Variants in KIF26B observed in about 807,000 individuals in gnomAD.
KIF26B encodes the protein kinesin family member 26B, also known as kinesin-like protein KIF26B.
Under a neutral mutation model 151.2 loss-of-function variants are expected in KIF26B, and 63 were observed. The observed-to-expected ratio is 0.42, with a 90% CI of 0.34 to 0.51. KIF26B has a LOEUF of 0.51. Ranked by LOEUF, KIF26B falls within the 20% of genes least tolerant of loss-of-function variation. KIF26B has a pLI of 0.07. For missense variants in KIF26B, 2,813 were observed against 2,913.6 expected (o/e 0.97, Z 0.79); for synonymous variants, 1,357 against 1,262.1 (o/e 1.08, Z -1.59).
intron 2 of KIF26B, among the ~76,000 whole-genome samples, chr1:245,176,354 G>A (rs974699679): frequency 6.6e-6 from 1 of 152,170 alleles, no homozygotes; most frequent in Non-Finnish European, 1.5e-5. Flanking sequence ...AGTAGTGTCA[G>A]ATCTATGAAG....
At chr1:245,156,210 C>T in intron 1 of KIF26B, 72 bp from the exon 2 acceptor site, 1 of 1,504,060 alleles carries the variant, frequency 6.6e-7, no homozygotes, top group Non-Finnish European at 8.8e-7. Context: ...TGGTGGCGCA[C>T]GTATGACCCA....
chr1:245,481,510 C>G (rs1324991772), intron 4 of KIF26B, among the ~76,000 whole-genome samples: 4 of 151,876 alleles, frequency 2.6e-5, no homozygotes, highest in Non-Finnish European at 5.9e-5. Flanking sequence ...CGATGTGTAT[C>G]CAGCATCACT....
intron 2 of KIF26B, among the ~76,000 whole-genome samples, chr1:245,188,013 C>T (rs4658444): frequency 0.87 from 131,863 of 152,048 alleles, 57,724 homozygotes; most frequent in Non-Finnish European, 0.94. Context: ...GGCGCGGTGG[C>T]TCATGCCTGT....
At chr1:245,297,889 T>G (rs889064780) in intron 2 of KIF26B, among the ~76,000 whole-genome samples, 1 of 151,256 alleles carries the variant, frequency 6.6e-6, no homozygotes, top group Non-Finnish European at 1.5e-5. Context: ...GTTTGTTTGT[T>G]TGTTTGTTTG....
rs967565594 is a variant in KIF26B at position 245,606,459 on chromosome 1, C to A, written c.1558-1192C>A. Among the ~76,000 whole-genome samples the A allele has an allele frequency of 6.6e-6, 1 of 151,464 alleles. No individual in the cohort carries two copies. Among genetic ancestry groups the A allele is most frequent in the Admixed American group, 6.5e-5 (1 of 15,276 alleles). On this transcript the variant is annotated intron_variant, in intron 6 of 14. Coordinates refer to ENST00000407071, the MANE Select transcript of KIF26B (RefSeq NM_018012.4). This position sits in a 1 kb window ranked among gnomAD's most constrained non-coding sequence, Gnocchi z 4.6. ...CAGAAATGAAAGCAACAGGGCACAG[C>A]GAATAATGCTATCTTTCTGCTTCTG...
chr1:245,568,096 G>A (rs2043027866), intron 5 of KIF26B, among the ~76,000 whole-genome samples: 1 of 150,786 alleles, frequency 6.6e-6, no homozygotes, highest in African/African-American at 2.5e-5. Context: ...TTGAACTTGG[G>A]AGGTTCAGTG....
chr1:245,408,741 T>G (rs1271290210), intron 3 of KIF26B, among the ~76,000 whole-genome samples: 1 of 152,198 alleles, frequency 6.6e-6, no homozygotes, highest in Non-Finnish European at 1.5e-5. Flanking sequence ...GTACATTCTC[T>G]GGATGATGTG....
At chr1:245,452,815 T>C (rs1163002135) in intron 4 of KIF26B, among the ~76,000 whole-genome samples, 1 of 152,176 alleles carries the variant, frequency 6.6e-6, no homozygotes, top group African/African-American at 2.4e-5. Flanking sequence ...AGGAGTTCTT[T>C]ATATATTCTG....
intron 2 of KIF26B, among the ~76,000 whole-genome samples, chr1:245,308,977 A>G (rs1255780058): frequency 6.6e-6 from 1 of 152,230 alleles, no homozygotes; most frequent in Non-Finnish European, 1.5e-5. Flanking sequence ...GGCTTTTAAG[A>G]TAAAAGCAAA....
intron 2 of KIF26B, among the ~76,000 whole-genome samples, chr1:245,190,273 C>T (rs558083790): frequency 2.2e-4 from 33 of 152,304 alleles, no homozygotes; most frequent in African/African-American, 2.9e-4. Context: ...GATGTTCCCC[C>T]GAGGGCTCCA....
chr1:245,535,765 A>G (rs1661475657), intron 4 of KIF26B, among the ~76,000 whole-genome samples: 1 of 152,250 alleles, frequency 6.6e-6, no homozygotes, highest in Admixed American at 6.5e-5. Flanking sequence ...ACAATACGGT[A>G]CAATACAGGA....
intron 2 of KIF26B, among the ~76,000 whole-genome samples, chr1:245,243,177 G>T (rs1375378818): frequency 6.6e-6 from 1 of 152,092 alleles, no homozygotes; most frequent in Non-Finnish European, 1.5e-5. Flanking sequence ...GTTCCAGTTG[G>T]ACATGCCCAT....
intron 2 of KIF26B, among the ~76,000 whole-genome samples, chr1:245,302,988 C>CAAAAAAAAAAAAAAAAAAA (rs74163037): frequency 5.6e-5 from 2 of 35,816 alleles, no homozygotes; most frequent in East Asian, 1.1e-3. Context: ...GACTCTGTCT[C>CAAAAAAAAAAAAAAAAAAA]AAAAAAAAAA....
chr1:245,479,830 A>G (rs1307058205), intron 4 of KIF26B, among the ~76,000 whole-genome samples: 1 of 151,878 alleles, frequency 6.6e-6, no homozygotes, highest in Non-Finnish European at 1.5e-5. Context: ...GAGAAGACCA[A>G]GGGGAGAGAG....
chr1:245,593,328 C>T (rs898051979), intron 5 of KIF26B, among the ~76,000 whole-genome samples: 20 of 152,270 alleles, frequency 1.3e-4, no homozygotes, highest in African/African-American at 4.6e-4. Context: ...CCTAGCTCCC[C>T]AGCCCCCAAC....
chr1:245,378,480 A>G (rs1175487217), intron 3 of KIF26B, among the ~76,000 whole-genome samples: 7 of 152,144 alleles, frequency 4.6e-5, no homozygotes, highest in Non-Finnish European at 1.5e-5. Flanking sequence ...AAGATTGCCT[A>G]GATGTAGATG....
intron 2 of KIF26B, among the ~76,000 whole-genome samples, chr1:245,185,157 T>C (rs1486471494): frequency 6.6e-6 from 1 of 151,806 alleles, no homozygotes; most frequent in Non-Finnish European, 1.5e-5. Context: ...TTTTTTTTTT[T>C]AGACAGAGTC....
At chr1:245,593,496 T>TG (rs1283970565) in intron 5 of KIF26B, among the ~76,000 whole-genome samples, 2 of 152,240 alleles carry the variant, frequency 1.3e-5, no homozygotes, top group African/African-American at 4.8e-5. Context: ...GCAAAGGACA[T>TG]GAACTCATCC....
At chr1:245,344,293 G>A (rs538169923) in intron 2 of KIF26B, among the ~76,000 whole-genome samples, 13 of 149,780 alleles carry the variant, frequency 8.7e-5, no homozygotes, top group Admixed American at 5.3e-4. Flanking sequence ...TCATTCATTA[G>A]CCTTCTGTGT....
Sources: gnomAD v4.1 joint callset for allele counts (sites outside exome capture counted in the v4.1 genomes callset) on GRCh38, gnomAD v4.1.1 for gene constraint, Gnocchi (gnomAD v3.1) non-coding constraint, MANE v1.5 for transcripts, NCBI Gene and HGNC (gene_info 2026-07-23, HGNC 2026-07-21) for gene names.